SHISA6: variants seen among roughly 807,000 people sequenced by gnomAD.
SHISA6 encodes the protein protein shisa-6.
Under a neutral mutation model 47.9 loss-of-function variants are expected in SHISA6, and 22 were observed. The ratio of observed to expected loss-of-function variants is 0.46; its 90% CI spans 0.33 to 0.66. SHISA6 has a LOEUF of 0.66. Among genes scored for constraint, SHISA6 ranks in the 30% least tolerant of loss-of-function variants. The probability of loss-of-function intolerance (pLI) is 0.02; values close to 1 mark genes in which losing one functional copy is unlikely to be tolerated. For missense variants in SHISA6, 680 were observed against 764.6 expected, an observed-to-expected ratio of 0.89 and a Z score of 1.30; for synonymous variants, 388 against 337.8, an observed-to-expected ratio of 1.15 and a Z score of -1.63.
At chr17:11,319,167 C>T (rs1366297145) in intron 2 of SHISA6, among the ~76,000 whole-genome samples, 4 of 151,846 alleles carry the variant, frequency 2.6e-5, no homozygotes, top group African/African-American at 9.7e-5. Context: ...CAACCTCCGC[C>T]TCCCGGGTTC....
Position 11,555,746 on chromosome 17 carries a change from C to A in SHISA6, c.959C>A (p.Pro320Gln). The change falls in exon 5 of 6, where the codon CCA (proline) becomes CAA (glutamine). Residue 320 changes from proline (P) to glutamine (Q), a missense_variant. This residue lies in a region of SHISA6 where 559 missense variants were observed against 674.1 expected (regional missense o/e 0.83). Coordinates refer to ENST00000441885, the MANE Select transcript of SHISA6 (RefSeq NM_207386.4). ...CCCCTCCCTTTTCTTGCAGAGAAGC[C>A]ACGGATGAACAACATCCTGACATCA... ...SVTQIPPHEK[P>Q]RMNNILTSAT... 1.3e-6 allele frequency: 2 copies of A among 1,541,640 alleles called. No individual in the cohort carries two copies.
At chr17:11,544,461 C>T (rs2071864573) in intron 3 of SHISA6, among the ~76,000 whole-genome samples, 1 of 152,048 alleles carries the variant, frequency 6.6e-6, no homozygotes, top group Non-Finnish European at 1.5e-5. Context: ...TGTCCAACAT[C>T]ATTAGCCATA....
intron 3 of SHISA6, among the ~76,000 whole-genome samples, chr17:11,445,435 T>C (rs1382277348): frequency 6.6e-6 from 1 of 152,178 alleles, no homozygotes; most frequent in Non-Finnish European, 1.5e-5. Context: ...CACACATATA[T>C]CCTTGCAAAA....
At chr17:11,543,886 C>A in intron 3 of SHISA6, among the ~76,000 whole-genome samples, 1 of 131,688 alleles carries the variant, frequency 7.6e-6, no homozygotes, top group Non-Finnish European at 1.6e-5. Context: ...AGAAGTGATT[C>A]TAGAGCAATT....
At chr17:11,515,259 GA>G (rs1452262226) in intron 3 of SHISA6, among the ~76,000 whole-genome samples, 1 of 100,682 alleles carries the variant, frequency 9.9e-6, no homozygotes, top group Non-Finnish European at 2.1e-5. Flanking sequence ...AAAAAAAAAA[GA>G]AAAAAGAAAA....
intron 3 of SHISA6, among the ~76,000 whole-genome samples, chr17:11,439,706 A>G (rs1035393835): frequency 2.0e-5 from 3 of 152,242 alleles, no homozygotes; most frequent in Admixed American, 6.5e-5. Flanking sequence ...CTTGAGAAAC[A>G]TAAGTCCTTC....
chr17:11,385,621 G>A (rs772200611), intron 3 of SHISA6, among the ~76,000 whole-genome samples: 6 of 152,146 alleles, frequency 3.9e-5, no homozygotes, highest in Non-Finnish European at 2.9e-5. Flanking sequence ...GGGGATAGAA[G>A]GGTAGGAGTT....
At chr17:11,553,591 TCTTTC>T (rs1473808428) in intron 4 of SHISA6, among the ~76,000 whole-genome samples, 7 of 152,150 alleles carry the variant, frequency 4.6e-5, no homozygotes, top group Non-Finnish European at 7.3e-5. Flanking sequence ...GATGTTCCCT[TCTTTC>T]CCAGGAGCTG....
intron 2 of SHISA6, among the ~76,000 whole-genome samples, chr17:11,341,737 A>G (rs1173722873): frequency 6.6e-6 from 1 of 152,104 alleles, no homozygotes. Context: ...GCCTGGCTGC[A>G]GGGTGCTCTT....
intron 3 of SHISA6, among the ~76,000 whole-genome samples, chr17:11,505,477 C>T (rs564921695): frequency 6.6e-6 from 1 of 152,296 alleles, no homozygotes; most frequent in South Asian, 2.1e-4. Flanking sequence ...TTCTTAAGAG[C>T]CTACCTACTC....
At chr17:11,266,818 C>G (rs1253801136) in intron 2 of SHISA6, among the ~76,000 whole-genome samples, 5 of 152,202 alleles carry the variant, frequency 3.3e-5, no homozygotes, top group African/African-American at 7.2e-5. Flanking sequence ...TGGACTCAAG[C>G]CTTCCTGTGG....
chr17:11,555,948 C>T, intron 5 of SHISA6, 56 bp downstream of exon 5: 1 of 1,465,804 alleles, frequency 6.8e-7, no homozygotes. Flanking sequence ...AGATATCTTC[C>T]TATGTCACAC....
intron 3 of SHISA6, among the ~76,000 whole-genome samples, chr17:11,445,491 T>C (rs1422131657): frequency 1.3e-5 from 2 of 152,262 alleles, no homozygotes; most frequent in Non-Finnish European, 2.9e-5. Context: ...AATGCAACTA[T>C]ATCAGTATTA....
chr17:11,552,935 AGAAAG>A (rs1283833629), intron 4 of SHISA6, among the ~76,000 whole-genome samples: 1 of 152,220 alleles, frequency 6.6e-6, no homozygotes, highest in Non-Finnish European at 1.5e-5. Flanking sequence ...CAGTGGGAAA[AGAAAG>A]GACGGTTGAG....
chr17:11,532,295 C>T (rs936973052), intron 3 of SHISA6, among the ~76,000 whole-genome samples: 2 of 152,126 alleles, frequency 1.3e-5, no homozygotes, highest in South Asian at 2.1e-4. Context: ...CACTCCCAGC[C>T]AAGACATGGA....
intron 3 of SHISA6, among the ~76,000 whole-genome samples, chr17:11,538,132 C>T (rs1421256626): frequency 2.6e-5 from 4 of 152,060 alleles, no homozygotes; most frequent in Non-Finnish European, 5.9e-5. Flanking sequence ...GGCATGATCT[C>T]GGCTCACTGC....
chr17:11,332,674 G>A (rs1475222439), intron 2 of SHISA6, among the ~76,000 whole-genome samples: 2 of 152,104 alleles, frequency 1.3e-5, no homozygotes, highest in Non-Finnish European at 2.9e-5. Flanking sequence ...TCAGCTGGGA[G>A]CCACCTCCTG....
intron 3 of SHISA6, among the ~76,000 whole-genome samples, chr17:11,421,293 C>A (rs1914445763): frequency 6.6e-6 from 1 of 152,142 alleles, no homozygotes; most frequent in African/African-American, 2.4e-5. Context: ...TACTATCAGA[C>A]AAATCCTGCA....
intron 3 of SHISA6, among the ~76,000 whole-genome samples, chr17:11,471,669 G>A (rs1404410815): frequency 6.6e-6 from 1 of 152,160 alleles, no homozygotes; most frequent in Non-Finnish European, 1.5e-5. Context: ...TTGATTGGGT[G>A]GTACTCCTTT....
Sources: gnomAD v4.1 joint callset for allele counts (sites outside exome capture counted in the v4.1 genomes callset) on GRCh38, gnomAD v4.1.1 for gene constraint, gnomAD v4.1.1 regional missense constraint, MANE v1.5 for transcripts, NCBI Gene and HGNC (gene_info 2026-07-23, HGNC 2026-07-21) for gene names.